CACNA1E: variants seen among roughly 807,000 people sequenced by gnomAD.
The protein encoded by CACNA1E is voltage-dependent R-type calcium channel subunit alpha-1E.
A neutral mutation model predicts 259.2 loss-of-function variants in CACNA1E; 40 were observed. That is an observed-to-expected ratio of 0.15 (90% CI 0.12 to 0.20). CACNA1E has a LOEUF of 0.20. Ranked by LOEUF, CACNA1E falls within the 10% of genes least tolerant of loss-of-function variation. CACNA1E has a pLI of 1.00. For missense variants in CACNA1E, 1,874 were observed against 3,040.1 expected (o/e 0.62, Z 9.02); for synonymous variants, 1,104 against 1,138.5 (o/e 0.97, Z 0.61).
chr1:181,546,522 C>G (rs1647492817), intron 3 of CACNA1E, among the ~76,000 whole-genome samples: 1 of 152,142 alleles, frequency 6.6e-6, no homozygotes, highest in Non-Finnish European at 1.5e-5. Context: ...CAAATTGTCC[C>G]CTTTCCCTTC....
chr1:181,741,764 T>G (rs1572763168), intron 25 of CACNA1E, among the ~76,000 whole-genome samples: 3 of 152,318 alleles, frequency 2.0e-5, no homozygotes, highest in Middle Eastern at 3.4e-3. Flanking sequence ...AACATGGCGG[T>G]GGTGGCTTTG....
chr1:181,357,362 A>G (rs1355478726), intron 1 of CACNA1E, among the ~76,000 whole-genome samples: 1 of 152,188 alleles, frequency 6.6e-6, no homozygotes, highest in Admixed American at 6.5e-5. Flanking sequence ...CAATATTCAA[A>G]CTATGATTTA....
chr1:181,484,121 C>T (rs1171705864), intron 1 of CACNA1E, 111 bp downstream of exon 1: 9 of 1,135,618 alleles, frequency 7.9e-6, no homozygotes, highest in Non-Finnish European at 1.0e-5. Context: ...CCAATTTGCC[C>T]CTTTGCTGAA....
intron 7 of CACNA1E, among the ~76,000 whole-genome samples, chr1:181,706,876 T>G (rs72735207): frequency 0.13 from 19,685 of 152,284 alleles, 1,351 homozygotes; most frequent in Admixed American, 0.19. Flanking sequence ...TGAAATAATT[T>G]ACATGAAAAT....
At chr1:181,449,917 A>C (rs1360995356) in intron 2 of CACNA1E, among the ~76,000 whole-genome samples, 1 of 151,280 alleles carries the variant, frequency 6.6e-6, no homozygotes, top group Non-Finnish European at 1.5e-5. Context: ...AGGGGCACAT[A>C]GGAGGGTGCC....
intron 1 of CACNA1E, among the ~76,000 whole-genome samples, chr1:181,380,507 C>T (rs1292382778): frequency 6.6e-6 from 1 of 152,100 alleles, no homozygotes; most frequent in Non-Finnish European, 1.5e-5. Flanking sequence ...ATCAACATCC[C>T]CCATGGACAT....
chr1:181,688,106 G>A (rs1483854508), intron 7 of CACNA1E, among the ~76,000 whole-genome samples: 1 of 152,056 alleles, frequency 6.6e-6, no homozygotes, highest in Non-Finnish European at 1.5e-5. Context: ...ATGAGTATCT[G>A]GGCACTAACA....
chr1:181,400,900 T>C (rs1463800320), intron 1 of CACNA1E, among the ~76,000 whole-genome samples: 3 of 152,186 alleles, frequency 2.0e-5, no homozygotes, highest in Admixed American at 6.5e-5. Flanking sequence ...CCTCTTCCCC[T>C]GCTCTCCCAC....
chr1:181,347,285 T>G (rs1166491266), intron 1 of CACNA1E, among the ~76,000 whole-genome samples: 2 of 152,218 alleles, frequency 1.3e-5, no homozygotes, highest in African/African-American at 4.8e-5. Flanking sequence ...AAAGCATGAC[T>G]GTTCATGGAG....
intron 18 of CACNA1E, among the ~76,000 whole-genome samples, chr1:181,729,144 A>G: frequency 8.8e-6 from 1 of 113,784 alleles, no homozygotes; most frequent in African/African-American, 3.5e-5. Flanking sequence ...TGTGCCCTGC[A>G]CAGATGTGTG....
At chr1:181,371,177 C>G (rs1654685012) in intron 1 of CACNA1E, among the ~76,000 whole-genome samples, 1 of 152,176 alleles carries the variant, frequency 6.6e-6, no homozygotes, top group Non-Finnish European at 1.5e-5. Context: ...TAGATCTTTG[C>G]TGAATGCATA....
intron 6 of CACNA1E, among the ~76,000 whole-genome samples, chr1:181,592,597 G>A (rs114715339): frequency 0.042 from 6,373 of 152,208 alleles, 480 homozygotes; most frequent in African/African-American, 0.14. Flanking sequence ...CTGTGACACA[G>A]CTGGCCTCCT....
chr1:181,620,638 TAGA>T (rs1655639538), intron 6 of CACNA1E, among the ~76,000 whole-genome samples: 1 of 152,212 alleles, frequency 6.6e-6, no homozygotes, highest in African/African-American at 2.4e-5. Flanking sequence ...TGCAAAGAAG[TAGA>T]AGACTTGGAG....
chr1:181,628,153 G>T (rs574746932), intron 6 of CACNA1E, among the ~76,000 whole-genome samples: 10 of 152,292 alleles, frequency 6.6e-5, no homozygotes, highest in African/African-American at 2.4e-4. Flanking sequence ...AACCTCGATT[G>T]CCCTACTGCA....
At position 181,799,274 on chromosome 1, in the gene CACNA1E, C is replaced by T. The variant is rs908357289; in HGVS notation, c.*440C>T. The T allele has an allele frequency of 6.4e-6, 1 of 155,300 alleles. No homozygotes were observed. Among genetic ancestry groups the T allele is most frequent in the Non-Finnish European group, 1.4e-5 (1 of 70,056 alleles). 9.6% of individuals were successfully genotyped at this position (155,300 alleles called of 1,614,324 possible). The stretch of plus-strand genomic sequence containing the variant: ...ACCATAGGAGAGGACTCTCCTCCCT[C>T]ACCAGCTCTTACGCCTCAGCCAGCA... On this transcript the variant is annotated 3_prime_UTR_variant, in exon 48 of 48. Transcript: ENST00000367573.
At chr1:181,553,375 T>C (rs1173368711) in intron 3 of CACNA1E, among the ~76,000 whole-genome samples, 1 of 152,214 alleles carries the variant, frequency 6.6e-6, no homozygotes, top group Non-Finnish European at 1.5e-5. Flanking sequence ...TTTACTGAAG[T>C]TGCTTATCAG....
Position 181,772,192 on chromosome 1 carries a change from C to T in CACNA1E, c.5100C>T (p.Tyr1700=), listed in dbSNP as rs774746875. Residue 1700 remains tyrosine, a synonymous_variant, in exon 37 of 48, where the codon TAC becomes TAT. Transcript: ENST00000367573. ...ENERCGTDLA[Y]VYFVSFIFFC... is the part of the protein sequence containing the mutation. ...AACGCTGCGGCACCGATCTGGCCTA[C>T]GTGTACTTTGTCTCCTTCATCTTCT... 9.0e-5 allele frequency: 145 copies of T among 1,613,796 alleles called. No homozygotes were observed. The highest frequency in any genetic ancestry group is 2.9e-4 in the South Asian group (26 of 91,074).
At chr1:181,605,331 G>A (rs1225674045) in intron 6 of CACNA1E, among the ~76,000 whole-genome samples, 1 of 151,516 alleles carries the variant, frequency 6.6e-6, no homozygotes, top group African/African-American at 2.4e-5. Context: ...GGGTGGGGGA[G>A]AAAGCAGGTG....
intron 17 of CACNA1E, 112 bp downstream of exon 17, chr1:181,724,649 G>A (rs1654724435): frequency 6.0e-6 from 5 of 836,280 alleles, no homozygotes; most frequent in Non-Finnish European, 7.6e-6. Context: ...TGCCAGGAAG[G>A]CCCTTTCTGG....
Sources: allele counts gnomAD v4.1 joint callset (sites outside exome capture counted in the v4.1 genomes callset), GRCh38; gene constraint gnomAD v4.1.1; transcripts MANE v1.5; gene names NCBI Gene and HGNC (gene_info 2026-07-23, HGNC 2026-07-21).